The following TTLL10 variants were observed in gnomAD, a reference collection of about 807,000 sequenced individuals.
TTLL10 encodes the protein tubulin tyrosine ligase like 10, also known as inactive polyglycylase TTLL10.
Under a neutral mutation model 69.0 loss-of-function variants are expected in TTLL10, and 61 were observed. That is an observed-to-expected ratio of 0.88 (90% confidence interval 0.72 to 1.09). The LOEUF (loss-of-function observed/expected upper bound fraction) is 1.09. TTLL10 is among the 50% of genes least tolerant of loss of function. TTLL10 has a pLI of 0.00. For synonymous variants in TTLL10, 408 were observed against 393.3 expected, an observed-to-expected ratio of 1.04 and a Z score of -0.44; for missense variants, 962 against 945.9, an observed-to-expected ratio of 1.02 and a Z score of -0.22.
At chr1:1,188,714 T>G (rs901559680) in intron 13 of TTLL10, among the ~76,000 whole-genome samples, 3 of 152,162 alleles carry the variant, frequency 2.0e-5, no homozygotes, top group Non-Finnish European at 4.4e-5. Context: ...CTCATCGAAA[T>G]TTTAATAGGC....
At chr1:1,187,345 T>C (rs1647416478) in intron 13 of TTLL10, among the ~76,000 whole-genome samples, 2 of 152,096 alleles carry the variant, frequency 1.3e-5, no homozygotes, top group South Asian at 2.1e-4. Flanking sequence ...TAAAAATCCA[T>C]TGTGCCAGGT....
Position 1,185,308 on chromosome 1 carries a change from G to A in TTLL10, c.1401+199G>A, listed in dbSNP as rs942442066. Reference sequence around the variant, plus strand: ...GTGCCTGTCCCCAGCAGCCAGCAAAGGCCCGGACGGAAAGCCCAGTCGGGG... The same window carrying A: ...GTGCCTGTCCCCAGCAGCCAGCAAAAGCCCGGACGGAAAGCCCAGTCGGGG... On this transcript the variant is annotated intron_variant, in intron 13 of 15. Transcript: ENST00000379289. This position sits in a 1 kb window ranked among gnomAD's most constrained non-coding sequence, Gnocchi z 6.1. The A allele has an allele frequency of 3.3e-5, 46 of 1,398,550 alleles. No homozygotes were observed. The highest frequency in any genetic ancestry group is 5.9e-5 in the African/African-American group (4 of 68,230). The allele number at this position is 1,398,550 out of a possible 1,614,324, so 86.6% of individuals were successfully genotyped here. A position where few individuals can be genotyped will look rare whatever the true frequency, so the allele number is the denominator to read the frequency against.
At chr1:1,184,371 C>T (rs1178057426) in intron 12 of TTLL10, among the ~76,000 whole-genome samples, 1 of 152,222 alleles carries the variant, frequency 6.6e-6, no homozygotes, top group Non-Finnish European at 1.5e-5. Context: ...AGCCTGGCTC[C>T]CAAGCCGCAG....
chr1:1,195,500 CTT>C lies in TTLL10; in HGVS notation c.1402-1083_1402-1082del, dbSNP rs1168016636. Among the ~76,000 whole-genome samples, 103 of 98,734 alleles carry C rather than the reference CTT, an allele frequency of 1.0e-3. 1 individual carries two copies. The highest frequency in any genetic ancestry group is 4.2e-3 in the Admixed American group (32 of 7,636). 64.8% of individuals were successfully genotyped at this position (98,734 alleles called of 152,430 possible). ...TATTTGATAAGACATCATCGTCATACTTTTTTTTTTTTTTTTTTAGTTTTAGT... is the reference window on the plus strand; with the variant it reads ...TATTTGATAAGACATCATCGTCATACTTTTTTTTTTTTTTTTAGTTTTAGT... On this transcript the variant is annotated intron_variant, in intron 13 of 15. Transcript: ENST00000379289.
rs1201056940 is a variant in TTLL10, at chr1:1,185,266, T to C, written c.1401+157T>C. 8 of 1,424,508 alleles carry C rather than the reference T, an allele frequency of 5.6e-6. No homozygotes were observed. The highest frequency in any genetic ancestry group is 1.5e-5 in the African/African-American group (1 of 68,782). The allele number at this position is 1,424,508 out of a possible 1,614,324, so 88.2% of individuals were successfully genotyped here. A position where few individuals can be genotyped will look rare whatever the true frequency, so the allele number is the denominator to read the frequency against. On this transcript the variant is annotated intron_variant, in intron 13 of 15. Coordinates refer to ENST00000379289, the MANE Select transcript of TTLL10 (RefSeq NM_001130045.2). This position sits in a 1 kb window ranked among gnomAD's most constrained non-coding sequence, Gnocchi z 6.1. ...TGGAACCAAACCCTTCCAGCGTCTC[T>C]GCTCACTTAGCTGGCAGTGCCTGTC...
At chr1:1,190,028 C>T (rs918369005) in intron 13 of TTLL10, among the ~76,000 whole-genome samples, 1 of 151,118 alleles carries the variant, frequency 6.6e-6, no homozygotes, top group African/African-American at 2.4e-5. Flanking sequence ...AGGAGAATCG[C>T]GTGAACCCGG....
chr1:1,191,857 G>A (rs1647810548), intron 13 of TTLL10, among the ~76,000 whole-genome samples: 2 of 152,288 alleles, frequency 1.3e-5, no homozygotes, highest in Admixed American at 1.3e-4. Flanking sequence ...GGTTGGGCTA[G>A]TTAACTGCAT....
At position 1,180,954 on chromosome 1, in the gene TTLL10, G is replaced by A. The variant is rs1228418084; in HGVS notation, c.755+94G>A. 3.6e-4 allele frequency: 397 copies of A among 1,100,092 alleles called. 1 individual carries two copies. In the Middle Eastern group the frequency reaches 4.9e-3, roughly 14 times the overall value. 68.1% of individuals were successfully genotyped at this position (1,100,092 alleles called of 1,614,324 possible). ...GCACCCGCCCCACCCCTGCCCCTGC[G>A]CCCGCCCCTGCCCTTGCCCCTGCCC... On this transcript the variant is annotated intron_variant, in intron 8 of 15. Coordinates refer to ENST00000379289, the MANE Select transcript of TTLL10 (RefSeq NM_001130045.2).
Position 1,182,391 on chromosome 1 carries a change from G to A in TTLL10, c.861G>A (p.Glu287=), listed in dbSNP as rs1415356520. 6.2e-7 allele frequency: 1 copy of A among 1,613,956 alleles called. No individual in the cohort carries two copies. The highest frequency in any genetic ancestry group is 2.2e-5 in the East Asian group (1 of 44,870). Residue 287 remains glutamate (E), a synonymous_variant, in exon 10 of 16, where the codon GAG becomes GAA. Coordinates refer to ENST00000379289, the MANE Select transcript of TTLL10 (RefSeq NM_001130045.2). ...TGAGAATGGAAGAGTTTTTCCCAGA[G>A]ACCTACCGCCTGGACCTCAAACACG... ...RVLRMEEFFP[E]TYRLDLKHER...
At chr1:1,177,430 G>T (rs28613513) in intron 3 of TTLL10, among the ~76,000 whole-genome samples, 13,358 of 152,180 alleles carry the variant, frequency 0.088, 729 homozygotes, top group African/African-American at 0.15. Context: ...TCCTGCCTCA[G>T]CCCCTCAAGG....
At chr1:1,190,241 TCTCTC>T (rs1647655983) in intron 13 of TTLL10, among the ~76,000 whole-genome samples, 1 of 149,714 alleles carries the variant, frequency 6.7e-6, no homozygotes, top group African/African-American at 2.5e-5. Flanking sequence ...ATTTGATTCT[TCTCTC>T]CTTTTTTTTT....
Position 1,180,463 on chromosome 1 carries a change from C to T in TTLL10, c.507-20C>T. 6.5e-7 allele frequency: 1 copy of T among 1,536,530 alleles called. No individual in the cohort carries two copies. The highest frequency in any genetic ancestry group is 1.4e-5 in the African/African-American group (1 of 72,806). Reference sequence around the variant, plus strand: ...CCCTTGCCTCGGCCCCCAGGTCACCCCCGCCCCCACCCCTCGCAGCATCAG... The same window carrying T: ...CCCTTGCCTCGGCCCCCAGGTCACCTCCGCCCCCACCCCTCGCAGCATCAG... On this transcript the variant is annotated intron_variant, in intron 6 of 15. Transcript: ENST00000379289.
In TTLL10 at chr1:1,181,617, ACCT is replaced by A. The variant is rs2100872534; in HGVS notation, c.756-120_756-118del. ...CCCAGGCACCGCCGTCCACCCAGCC[ACCT>A]CCTTCCACCACAACTCACAGTCCGC... On this transcript the variant is annotated intron_variant, in intron 8 of 15. Transcript: ENST00000379289. The surrounding 1 kb of genome is among the most constrained non-coding windows in gnomAD (Gnocchi z 4.6). 1.2e-6 allele frequency: 1 copy of A among 844,524 alleles called. No individual in the cohort carries two copies. The highest frequency in any genetic ancestry group is 1.9e-6 in the Non-Finnish European group (1 of 538,448). 52.3% of individuals were successfully genotyped at this position (844,524 alleles called of 1,614,324 possible). A position where few individuals can be genotyped will look rare whatever the true frequency, so the allele number is the denominator to read the frequency against.
chr1:1,192,153 A>C (rs1647844131), intron 13 of TTLL10, among the ~76,000 whole-genome samples: 1 of 152,098 alleles, frequency 6.6e-6, no homozygotes, highest in South Asian at 2.1e-4. Context: ...CGAGTCTTCT[A>C]TTTACTCGTT....
intron 13 of TTLL10, among the ~76,000 whole-genome samples, chr1:1,190,002 C>G (rs958992062): frequency 2.0e-5 from 3 of 151,808 alleles, no homozygotes; most frequent in Non-Finnish European, 4.4e-5. Context: ...GTCCCAGCTA[C>G]TCGGGAGGCT....
At position 1,180,481 on chromosome 1, in the gene TTLL10, A is replaced by G; in HGVS notation, c.507-2A>G. ...GGTCACCCCCGCCCCCACCCCTCGC[A>G]GCATCAGCTCCTACTGCAAAAGCAA... On this transcript the variant is annotated splice_acceptor_variant, in intron 6 of 15. Coordinates refer to ENST00000379289, the MANE Select transcript of TTLL10 (RefSeq NM_001130045.2). LOFTEE classifies it high-confidence loss of function. 7.8e-7 allele frequency: 1 copy of G among 1,274,186 alleles called. No individual in the cohort carries two copies. 78.9% of individuals were successfully genotyped at this position (1,274,186 alleles called of 1,614,324 possible). A position where few individuals can be genotyped will look rare whatever the true frequency, so the allele number is the denominator to read the frequency against.
Position 1,181,735 on chromosome 1 carries a change from C to G in TTLL10, c.756-6C>G. 2 of 1,593,878 alleles carry G rather than the reference C, an allele frequency of 1.3e-6. No homozygotes were observed. Among genetic ancestry groups the G allele is most frequent in the Non-Finnish European group, 1.7e-6 (2 of 1,171,466 alleles). On this transcript the variant is annotated splice_polypyrimidine_tract_variant and splice_region_variant and intron_variant, in intron 8 of 15. Transcript: ENST00000379289. The surrounding 1 kb of genome is among the most constrained non-coding windows in gnomAD (Gnocchi z 4.6). ...CAGTCCAGGCCCTCTGTCCCCTGGG[C>G]TGCAGGCTGGAAAAGGACGCAGCAG...
intron 13 of TTLL10, among the ~76,000 whole-genome samples, chr1:1,186,992 G>A (rs1009395562): frequency 7.9e-4 from 118 of 150,026 alleles, no homozygotes; most frequent in African/African-American, 2.7e-3. Flanking sequence ...GACTACAGGC[G>A]CCCGCCACCA....
chr1:1,184,115 C>T (rs1346123075), intron 12 of TTLL10, 24 bp downstream of exon 12: 1 of 1,613,936 alleles, frequency 6.2e-7, no homozygotes. Context: ...GGGTGAGGGC[C>T]CTCCCTGCAG....
Sources: allele counts gnomAD v4.1 joint callset (sites outside exome capture counted in the v4.1 genomes callset), GRCh38; gene constraint gnomAD v4.1.1; non-coding constraint Gnocchi (gnomAD v3.1); transcripts MANE v1.5; gene names NCBI Gene and HGNC (gene_info 2026-07-23, HGNC 2026-07-21).